Variants in RGS6 observed in about 807,000 individuals in gnomAD.
RGS6 encodes the protein regulator of G-protein signaling 6.
In RGS6, 30 loss-of-function variants were observed where a neutral mutation model predicts 78.5. The ratio of observed to expected loss-of-function variants is 0.38; its 90% CI spans 0.29 to 0.52. The LOEUF is 0.52. Among genes scored for constraint, RGS6 ranks in the 20% least tolerant of loss-of-function variants. The pLI is 0.85. For synonymous variants in RGS6, 206 were observed against 206.0 expected (o/e 1.00, Z 0.00); for missense variants, 495 against 609.7 (o/e 0.81, Z 1.98).
intron 3 of RGS6, among the ~76,000 whole-genome samples, chr14:72,445,253 G>A (rs2095334998): frequency 1.3e-5 from 2 of 152,214 alleles, no homozygotes. Context: ...GTGTAGTGGT[G>A]CAGTCGGCTT....
chr14:72,394,975 G>A (rs2090858078), intron 3 of RGS6, among the ~76,000 whole-genome samples: 1 of 152,166 alleles, frequency 6.6e-6, no homozygotes, highest in Non-Finnish European at 1.5e-5. Context: ...TTTATGTTCT[G>A]CCATGGCTTC....
intron 12 of RGS6, among the ~76,000 whole-genome samples, chr14:72,493,842 G>A (rs1476338894): frequency 1.3e-5 from 2 of 151,858 alleles, no homozygotes; most frequent in South Asian, 2.1e-4. Flanking sequence ...TCTATGTCTA[G>A]CACTATCAGT....
chr14:71,964,675 C>T lies in RGS6; in HGVS notation c.-20-97C>T, dbSNP rs143079830. The stretch of plus-strand genomic sequence containing the variant: ...TATCATGTAATATCATGTTTTTGTT[C>T]ATGGCATCTGCCAAAAGTTACTTAA... On this transcript the variant is annotated intron_variant, in intron 1 of 17. Transcript: ENST00000553525. 7.7e-5 allele frequency: 60 copies of T among 775,010 alleles called. No individual in the cohort carries two copies. The African/African-American group carries it at 9.6e-4, about 12-fold the overall frequency. 48.0% of individuals were successfully genotyped at this position (775,010 alleles called of 1,614,324 possible).
At chr14:72,326,173 A>G (rs186341646) in intron 2 of RGS6, among the ~76,000 whole-genome samples, 247 of 152,346 alleles carry the variant, frequency 1.6e-3, no homozygotes, top group African/African-American at 5.7e-3. Flanking sequence ...GCCAATATAC[A>G]TTCATTACCA....
chr14:72,270,802 A>G (rs947702703), intron 2 of RGS6, among the ~76,000 whole-genome samples: 3 of 152,192 alleles, frequency 2.0e-5, no homozygotes, highest in African/African-American at 7.2e-5. Context: ...CCAAGTCCTC[A>G]TTCTGCCACA....
rs1399589689 is a variant in RGS6 at position 72,406,187 on chromosome 14, C to G, written c.185-48341C>G. Among the ~76,000 whole-genome samples, 7 of 152,112 alleles carry G rather than the reference C, an allele frequency of 4.6e-5. 1 individual carries two copies. Among genetic ancestry groups the G allele is most frequent in the Non-Finnish European group, 1.0e-4 (7 of 68,006 alleles). ...AGATCATGAGGTCAGGAGATCAAGACCATCCTGGCCAACATAGTGAAACCC... is the reference window on the plus strand; with the variant it reads ...AGATCATGAGGTCAGGAGATCAAGAGCATCCTGGCCAACATAGTGAAACCC... On this transcript the variant is annotated intron_variant, in intron 3 of 17. Transcript: ENST00000553525.
intron 1 of RGS6, among the ~76,000 whole-genome samples, chr14:71,936,428 CT>C (rs1182703404): frequency 6.6e-6 from 1 of 152,080 alleles, no homozygotes; most frequent in Admixed American, 6.5e-5. Context: ...TGTTTAATCT[CT>C]TTTGGGCAAC....
chr14:72,279,371 A>G (rs2061217486), intron 2 of RGS6, among the ~76,000 whole-genome samples: 1 of 152,152 alleles, frequency 6.6e-6, no homozygotes, highest in East Asian at 1.9e-4. Flanking sequence ...GCGTGGGCCC[A>G]GCTGCTGTTG....
intron 2 of RGS6, among the ~76,000 whole-genome samples, chr14:72,072,083 A>G (rs2094427917): frequency 1.3e-5 from 2 of 152,236 alleles, no homozygotes; most frequent in African/African-American, 2.4e-5. Flanking sequence ...TGCTAAGCAC[A>G]TGGCAAGCAT....
intron 13 of RGS6, among the ~76,000 whole-genome samples, chr14:72,505,960 C>T (rs2096793347): frequency 6.6e-6 from 1 of 152,220 alleles, no homozygotes. Flanking sequence ...GAAAGACAGA[C>T]ACCCTTGGAG....
chr14:72,432,735 G>C (rs75725600), intron 3 of RGS6, among the ~76,000 whole-genome samples: 4,157 of 152,192 alleles, frequency 0.027, 185 homozygotes, highest in African/African-American at 0.095. Context: ...GGATGAGTGG[G>C]AGCCATAAAC....
intron 15 of RGS6, among the ~76,000 whole-genome samples, chr14:72,533,278 T>C (rs1296210130): frequency 6.6e-6 from 1 of 152,248 alleles, no homozygotes; most frequent in Non-Finnish European, 1.5e-5. Flanking sequence ...CATGGTTTAC[T>C]GAATACTTTA....
At chr14:72,467,281 G>A (rs534586565) in intron 7 of RGS6, among the ~76,000 whole-genome samples, 12 of 152,244 alleles carry the variant, frequency 7.9e-5, no homozygotes, top group Non-Finnish European at 1.5e-4. Context: ...AGCCATGAAT[G>A]ACTGAAGGGC....
chr14:72,059,174 A>G (rs1212895495), intron 2 of RGS6, among the ~76,000 whole-genome samples: 1 of 152,224 alleles, frequency 6.6e-6, no homozygotes, highest in Non-Finnish European at 1.5e-5. Flanking sequence ...TGCTGGGATT[A>G]CAGGCGTGAG....
chr14:72,028,864 G>A (rs953866754), intron 2 of RGS6, among the ~76,000 whole-genome samples: 2 of 152,188 alleles, frequency 1.3e-5, no homozygotes, highest in Non-Finnish European at 2.9e-5. Flanking sequence ...TTTTCTTGAT[G>A]TCTTTCTGAC....
chr14:71,943,809 GT>G (rs2091036162), intron 1 of RGS6, among the ~76,000 whole-genome samples: 1 of 152,216 alleles, frequency 6.6e-6, no homozygotes, highest in Admixed American at 6.5e-5. Flanking sequence ...TTTGGTAAAT[GT>G]TTGCTGAGTT....
At chr14:72,235,102 A>G (rs548746330) in intron 2 of RGS6, among the ~76,000 whole-genome samples, 87 of 152,266 alleles carry the variant, frequency 5.7e-4, no homozygotes, top group Non-Finnish European at 1.1e-3. Flanking sequence ...GTTAGAATGT[A>G]AACTTGGGGA....
At chr14:72,276,972 G>A (rs2060782814) in intron 2 of RGS6, among the ~76,000 whole-genome samples, 1 of 152,128 alleles carries the variant, frequency 6.6e-6, no homozygotes, top group Admixed American at 6.5e-5. Flanking sequence ...GTTCCATGAA[G>A]GCAGGGATAT....
intron 2 of RGS6, among the ~76,000 whole-genome samples, chr14:72,257,761 A>G (rs192667013): frequency 2.8e-4 from 42 of 152,290 alleles, no homozygotes; most frequent in Non-Finnish European, 5.4e-4. Context: ...CTGATTTACA[A>G]CAGTCCTGAT....
Sources: allele counts gnomAD v4.1 joint callset (sites outside exome capture counted in the v4.1 genomes callset), GRCh38; gene constraint gnomAD v4.1.1; transcripts MANE v1.5; gene names NCBI Gene and HGNC (gene_info 2026-07-23, HGNC 2026-07-21).